Variants in RGS20 observed in about 807,000 individuals in gnomAD.
RGS20 encodes the protein regulator of G protein signaling 20.
RGS20 carries 30 observed loss-of-function variants against 33.6 expected under a neutral mutation model. That is an observed-to-expected ratio of 0.89 (90% CI 0.67 to 1.21). The LOEUF (loss-of-function observed/expected upper bound fraction) is 1.21, where lower values mean the gene tolerates loss of function less well. RGS20 is among the 50% of genes most tolerant of loss of function. The probability of loss-of-function intolerance (pLI) is 0.00; values close to 1 mark genes in which losing one functional copy is unlikely to be tolerated. For synonymous variants in RGS20, 208 were observed against 197.9 expected (o/e 1.05, Z -0.43); for missense variants, 472 against 502.4 (o/e 0.94, Z 0.58).
chr8:53,872,890 C>T (rs984932906), intron 1 of RGS20, among the ~76,000 whole-genome samples: 1 of 152,088 alleles, frequency 6.6e-6, no homozygotes, highest in Non-Finnish European at 1.5e-5. Context: ...CCATTTTAGG[C>T]ATACAATTCA....
intron 1 of RGS20, among the ~76,000 whole-genome samples, chr8:53,855,110 G>C (rs1490479959): frequency 3.3e-5 from 5 of 152,046 alleles, no homozygotes; most frequent in African/African-American, 1.2e-4. Context: ...TGTCGCCCAG[G>C]CTGGAGTGCA....
chr8:53,881,676 C>T (rs1585882149), intron 2 of RGS20, among the ~76,000 whole-genome samples: 1 of 152,286 alleles, frequency 6.6e-6, no homozygotes, highest in South Asian at 2.1e-4. Context: ...AGAAGACCGA[C>T]TAGGTATGGG....
chr8:53,949,429 T>A (rs1237887825), intron 4 of RGS20, among the ~76,000 whole-genome samples: 2 of 151,678 alleles, frequency 1.3e-5, no homozygotes, highest in Non-Finnish European at 2.9e-5. Flanking sequence ...TTATATAATA[T>A]ACGGTGGGTG....
chr8:53,881,151 A>C, intron 2 of RGS20, 67 bp downstream of exon 1: 1 of 1,250,280 alleles, frequency 8.0e-7, no homozygotes, highest in Non-Finnish European at 1.1e-6. Flanking sequence ...TCGTGCTGGA[A>C]AGTGGCCGAG....
Position 53,881,098 on chromosome 8 carries a change from T to G in RGS20, c.510+1496T>G. 1.3e-6 allele frequency: 2 copies of G among 1,505,650 alleles called. No individual in the cohort carries two copies. Among genetic ancestry groups the G allele is most frequent in the Non-Finnish European group, 1.8e-6 (2 of 1,134,122 alleles). 93.3% of individuals were successfully genotyped at this position (1,505,650 alleles called of 1,614,324 possible). A position where few individuals can be genotyped will look rare whatever the true frequency, so the allele number is the denominator to read the frequency against. On this transcript the variant is annotated intron_variant, in intron 2 of 5. Coordinates refer to ENST00000297313, the MANE Select transcript of RGS20 (RefSeq NM_170587.4). ...GACGGTGGGCTCGTGAGTATCCCAG[T>G]TCCTCGAACTCTCTTTCTTCGTCTC...
intron 1 of RGS20, among the ~76,000 whole-genome samples, chr8:53,853,505 G>A (rs950441311): frequency 6.6e-6 from 1 of 152,194 alleles, no homozygotes; most frequent in Non-Finnish European, 1.5e-5. Context: ...GTAGAAGGAA[G>A]CAATCCAGTT....
chr8:53,883,597 C>G (rs1225111624), intron 2 of RGS20, among the ~76,000 whole-genome samples: 2 of 152,134 alleles, frequency 1.3e-5, no homozygotes, highest in African/African-American at 4.8e-5. Context: ...AGTTACTTAT[C>G]CTCTCTGGGC....
At chr8:53,856,627 T>C (rs889480513) in intron 1 of RGS20, among the ~76,000 whole-genome samples, 3 of 152,182 alleles carry the variant, frequency 2.0e-5, no homozygotes, top group African/African-American at 7.2e-5. Flanking sequence ...ACAATCGACA[T>C]GAGGAAGAGA....
rs1476117933 is a variant in RGS20 at position 53,880,909 on chromosome 8, G to A, written c.510+1307G>A. 18 of 1,535,372 alleles carry A rather than the reference G, an allele frequency of 1.2e-5. No homozygotes were observed. In the South Asian group the frequency reaches 1.7e-4, roughly 14 times the overall value. ...GGAAGAGGCCGGGAGAAGAGGGCTA[G>A]AGCAAAGACCGAGAGCCGGAGAAAG... On this transcript the variant is annotated intron_variant, in intron 2 of 5. Coordinates refer to ENST00000297313, the MANE Select transcript of RGS20 (RefSeq NM_170587.4).
chr8:53,880,964 TAG>T (rs1554518730), intron 2 of RGS20: 2 of 1,578,036 alleles, frequency 1.3e-6, no homozygotes, highest in African/African-American at 2.7e-5. Context: ...ATCGCCGACG[TAG>T]AGAGGGCAGC....
chr8:53,953,453 C>T (rs769275661), intron 4 of RGS20, among the ~76,000 whole-genome samples: 15 of 151,234 alleles, frequency 9.9e-5, no homozygotes, highest in Non-Finnish European at 1.6e-4. Flanking sequence ...CCTAGTAAGT[C>T]GAGGCTTCAG....
At chr8:53,955,904 T>G (rs1442538072) in intron 5 of RGS20, among the ~76,000 whole-genome samples, 1 of 152,130 alleles carries the variant, frequency 6.6e-6, no homozygotes, top group Admixed American at 6.5e-5. Context: ...GTAGCTCTAA[T>G]TATAAAACTA....
chr8:53,862,575 A>G (rs1242269930), intron 1 of RGS20, among the ~76,000 whole-genome samples: 2 of 152,208 alleles, frequency 1.3e-5, no homozygotes, highest in East Asian at 3.9e-4. Flanking sequence ...TAATGCCAGC[A>G]CTTTAGGAGG....
In RGS20 at chr8:53,939,739, T is replaced by C; in HGVS notation, c.659+15T>C. 3 of 1,543,148 alleles carry C rather than the reference T, an allele frequency of 1.9e-6. No homozygotes were observed. Among genetic ancestry groups the C allele is most frequent in the Non-Finnish European group, 2.6e-6 (3 of 1,142,216 alleles). Reference sequence around the variant, plus strand: ...AGCTGCTCGTGGTAAGGTTTGGGGCTTTTTAATGAATGTGCTCCTGACTGG... The same window carrying C: ...AGCTGCTCGTGGTAAGGTTTGGGGCCTTTTAATGAATGTGCTCCTGACTGG... On this transcript the variant is annotated intron_variant, in intron 3 of 5. Transcript: ENST00000297313.
At chr8:53,912,226 T>C (rs1225296820) in intron 2 of RGS20, among the ~76,000 whole-genome samples, 1 of 152,160 alleles carries the variant, frequency 6.6e-6, no homozygotes, top group African/African-American at 2.4e-5. Context: ...ATCCCAGTTC[T>C]ATTGATGAAG....
chr8:53,933,493 T>C (rs1585935677), intron 2 of RGS20, among the ~76,000 whole-genome samples: 1 of 151,948 alleles, frequency 6.6e-6, no homozygotes, highest in Non-Finnish European at 1.5e-5. Context: ...ATTGATCAAG[T>C]GGAAGAAAGG....
At chr8:53,870,652 T>C (rs1812041961) in intron 1 of RGS20, among the ~76,000 whole-genome samples, 1 of 152,148 alleles carries the variant, frequency 6.6e-6, no homozygotes, top group Admixed American at 6.5e-5. Context: ...CCTTGGTCTT[T>C]TTCTCATTTC....
intron 2 of RGS20, among the ~76,000 whole-genome samples, chr8:53,915,244 A>C (rs1813452737): frequency 6.6e-6 from 1 of 151,954 alleles, no homozygotes; most frequent in African/African-American, 2.4e-5. Context: ...GGTTGCGCAG[A>C]CCAACAGTGG....
intron 5 of RGS20, among the ~76,000 whole-genome samples, chr8:53,955,808 G>A (rs1037738204): frequency 6.6e-6 from 1 of 152,122 alleles, no homozygotes; most frequent in Admixed American, 6.5e-5. Flanking sequence ...TCCAGCCTGG[G>A]CAACAAGAGC....
Sources: gnomAD v4.1 joint callset for allele counts (sites outside exome capture counted in the v4.1 genomes callset) on GRCh38, gnomAD v4.1.1 for gene constraint, MANE v1.5 for transcripts, NCBI Gene and HGNC (gene_info 2026-07-23, HGNC 2026-07-21) for gene names.